Variants in KLHL4 observed in about 807,000 individuals in gnomAD.
KLHL4 encodes kelch-like protein 4.
In KLHL4, 17 loss-of-function variants were observed where a neutral mutation model predicts 45.8. The ratio of observed to expected loss-of-function variants is 0.37; its 90% CI spans 0.25 to 0.56. The LOEUF is 0.56. Among genes scored for constraint, KLHL4 ranks in the 20% least tolerant of loss-of-function variants. The probability of loss-of-function intolerance (pLI) is 0.79; values close to 1 mark genes in which losing one functional copy is unlikely to be tolerated. For synonymous variants in KLHL4, 224 were observed against 189.9 expected (o/e 1.18, Z -1.47); for missense variants, 544 against 544.9 (o/e 1.00, Z 0.02).
At chrX:87,568,036 A>T (rs1932250222) in intron 1 of KLHL4, among the ~76,000 whole-genome samples, 1 of 111,537 alleles carries the variant, frequency 9.0e-6, no homozygotes, top group African/African-American at 3.3e-5. Context: ...TACAACATGG[A>T]TGAATGTTGA....
chrX:87,628,492 T>C (rs1923006691), intron 6 of KLHL4, among the ~76,000 whole-genome samples: 1 of 112,265 alleles, frequency 8.9e-6, no homozygotes, highest in South Asian at 3.6e-4. Flanking sequence ...TTGAAAAATG[T>C]ACTACTTTAC....
rs188191696 is a variant in KLHL4, at chrX:87,668,855, C to A, written c.*2321C>A. The A allele has an allele frequency of 3.5e-6, 2 of 567,614 alleles. No individual in the cohort carries two copies. The highest frequency in any genetic ancestry group is 1.8e-4 in the South Asian group (2 of 10,903). The allele number at this position is 567,614 out of a possible 1,213,427, so 46.8% of individuals were successfully genotyped here. A position where few individuals can be genotyped will look rare whatever the true frequency, so the allele number is the denominator to read the frequency against. ...TCTCAACCTCAGACTTCTCAGCCTG[C>A]CTAACTGTAAGAAATTAATTCTTTT... On this transcript the variant is annotated 3_prime_UTR_variant, in exon 11 of 11. Transcript: ENST00000373119.
chrX:87,561,530 G>A (rs185524770), intron 1 of KLHL4, among the ~76,000 whole-genome samples: 205 of 111,595 alleles, frequency 1.8e-3, no homozygotes, highest in African/African-American at 6.4e-3. Flanking sequence ...CAGCATTGCA[G>A]GCTAAAGTGT....
intron 1 of KLHL4, among the ~76,000 whole-genome samples, chrX:87,556,186 G>T (rs112010177): frequency 2.7e-5 from 3 of 110,733 alleles, no homozygotes; most frequent in African/African-American, 9.8e-5. Context: ...GGTGCCAAAG[G>T]ACTATAAATC....
In KLHL4 at chrX:87,635,602, C is replaced by A. The variant is rs1212659804; in HGVS notation, c.1752C>A (p.Leu584=). 8.3e-7 allele frequency: 1 copy of A among 1,210,945 alleles called. No homozygotes were observed. The highest frequency in any genetic ancestry group is 1.1e-6 in the Non-Finnish European group (1 of 895,000). The change falls in exon 9 of 11, where the codon CTC becomes CTA. Residue 584 remains leucine (L), a synonymous_variant. Coordinates refer to ENST00000373119, the MANE Select transcript of KLHL4 (RefSeq NM_019117.5). ...AIGGRDGSSC[L]KSMEYFDPHT... is the part of the protein sequence containing the mutation. ...GTGGACGTGATGGAAGTTCCTGCCTCAAATCAATGGAATACTTTGACCCAC... is the reference window on the plus strand; with the variant it reads ...GTGGACGTGATGGAAGTTCCTGCCTAAAATCAATGGAATACTTTGACCCAC...
At position 87,667,089 on chromosome X, in the gene KLHL4, T is replaced by TAA. The variant is rs34161899; in HGVS notation, c.*561_*562dup. The TAA allele has an allele frequency of 4.1e-6, 3 of 724,558 alleles. No individual in the cohort carries two copies. The highest frequency in any genetic ancestry group is 2.4e-5 in the African/African-American group (1 of 41,877). 59.7% of individuals were successfully genotyped at this position (724,558 alleles called of 1,213,427 possible). A position where few individuals can be genotyped will look rare whatever the true frequency, so the allele number is the denominator to read the frequency against. ...AGGAAAGCTTTTACTGTGTTGAAGCTAAAAAAATAATGGCTCTTTGACAAA... is the reference window on the plus strand; with the variant it reads ...AGGAAAGCTTTTACTGTGTTGAAGCTAAAAAAAAATAATGGCTCTTTGACAAA... On this transcript the variant is annotated 3_prime_UTR_variant, in exon 11 of 11. Transcript: ENST00000373119.
chrX:87,656,474 G>A (rs1356757914), intron 9 of KLHL4, among the ~76,000 whole-genome samples: 3 of 107,596 alleles, frequency 2.8e-5, no homozygotes, highest in South Asian at 4.1e-4. Flanking sequence ...CTAGTCTATC[G>A]TTGAAGATTT....
intron 4 of KLHL4, among the ~76,000 whole-genome samples, chrX:87,620,810 C>G: frequency 8.9e-6 from 1 of 112,178 alleles, no homozygotes; most frequent in East Asian, 2.8e-4. Flanking sequence ...ACTAATTCCA[C>G]TTTCTCACAA....
chrX:87,662,929 C>CA (rs56333226), intron 9 of KLHL4, among the ~76,000 whole-genome samples: 3,313 of 59,204 alleles, frequency 0.056, 256 homozygotes, highest in African/African-American at 0.19. Context: ...GACTCCGTCT[C>CA]AAAAAAAAAA....
rs187985883 is a variant in KLHL4, at chrX:87,602,656, G to T, written c.423-11221G>T. Among the ~76,000 whole-genome samples, 445 of 111,442 alleles carry T rather than the reference G, an allele frequency of 4.0e-3. 7 individuals carry two copies. The highest frequency in any genetic ancestry group is 0.013 in the African/African-American group (410 of 30,741). On this transcript the variant is annotated intron_variant, in intron 1 of 10. Coordinates refer to ENST00000373119, the MANE Select transcript of KLHL4 (RefSeq NM_019117.5). Reference sequence around the variant, plus strand: ...TGTGTAAATACATTCTATGATGTTTGCACAAGAAAATTGCCTATTGATGCG... The same window carrying T: ...TGTGTAAATACATTCTATGATGTTTTCACAAGAAAATTGCCTATTGATGCG...
rs6617402 is a variant in KLHL4 at position 87,535,650 on chromosome X, C to T, written c.422+17335C>T. On this transcript the variant is annotated intron_variant, in intron 1 of 10. Transcript: ENST00000373119. Reference sequence around the variant, plus strand: ...CAGGGTCTCTGGTTGGGGATTCATCCGGTCTTTCAGCTTCTGTTCATTAGT... The same window carrying T: ...CAGGGTCTCTGGTTGGGGATTCATCTGGTCTTTCAGCTTCTGTTCATTAGT... Among the ~76,000 whole-genome samples, 325 of 110,618 alleles carry T rather than the reference C, an allele frequency of 2.9e-3. 14 individuals carry two copies. In the East Asian group the frequency reaches 0.081, roughly 27 times the overall value.
In KLHL4 at chrX:87,517,849, G is replaced by C; in HGVS notation, c.-45G>C. ...AAAAACAAGAGATAACAAAGGCTCC[G>C]TTTCCTTTCTGTGAGAGAAGGCTTT... is the stretch of plus-strand genomic sequence containing the variant. On this transcript the variant is annotated 5_prime_UTR_variant, in exon 1 of 11. Transcript: ENST00000373119. The C allele has an allele frequency of 7.0e-6, 8 of 1,146,471 alleles. No individual in the cohort carries two copies. Among genetic ancestry groups the C allele is most frequent in the Non-Finnish European group, 8.2e-6 (7 of 858,567 alleles). The allele number at this position is 1,146,471 out of a possible 1,213,427, so 94.5% of individuals were successfully genotyped here.
chrX:87,550,321 C>T (rs1441011056), intron 1 of KLHL4, among the ~76,000 whole-genome samples: 1 of 110,837 alleles, frequency 9.0e-6, no homozygotes, highest in Non-Finnish European at 1.9e-5. Context: ...ATTAGATACT[C>T]TGAACTGACC....
intron 6 of KLHL4, among the ~76,000 whole-genome samples, chrX:87,629,501 G>T (rs2147822401): frequency 9.0e-6 from 1 of 110,722 alleles, no homozygotes; most frequent in East Asian, 2.8e-4. Flanking sequence ...GCCTTGAAAA[G>T]TTTAACCTGG....
At position 87,661,747 on chromosome X, in the gene KLHL4, A is replaced by T. The variant is rs767487980; in HGVS notation, c.1926-3017A>T. On this transcript the variant is annotated intron_variant, in intron 9 of 10. Transcript: ENST00000373119. ...TTTTTAAAATTCTCATACTCTTAAAATTTTTTTAAAAAGAGAAAAACGAGA... is the reference window on the plus strand; with the variant it reads ...TTTTTAAAATTCTCATACTCTTAAATTTTTTTTAAAAAGAGAAAAACGAGA... 2.7e-3 allele frequency among the ~76,000 whole-genome samples: 300 copies of T among 112,005 alleles called. 1 individual carries two copies. The highest frequency in any genetic ancestry group is 9.3e-3 in the African/African-American group (286 of 30,914).
chrX:87,590,055 A>G (rs1310977929), intron 1 of KLHL4, among the ~76,000 whole-genome samples: 1 of 106,630 alleles, frequency 9.4e-6, no homozygotes, highest in African/African-American at 3.4e-5. Context: ...AAAAAAAAAA[A>G]GACCTACTAT....
At chrX:87,578,943 C>T (rs1921183652) in intron 1 of KLHL4, among the ~76,000 whole-genome samples, 1 of 111,955 alleles carries the variant, frequency 8.9e-6, no homozygotes, top group African/African-American at 3.3e-5. Context: ...TGAAGTGTGC[C>T]TCTAACATCC....
At chrX:87,566,056 G>A (rs753198749) in intron 1 of KLHL4, among the ~76,000 whole-genome samples, 113 of 105,387 alleles carry the variant, frequency 1.1e-3, no homozygotes, top group Non-Finnish European at 1.8e-3. Flanking sequence ...AAACCTGCAC[G>A]TTCTGCACAT....
intron 1 of KLHL4, among the ~76,000 whole-genome samples, chrX:87,599,605 C>T (rs934053663): frequency 2.2e-4 from 24 of 109,030 alleles, no homozygotes; most frequent in African/African-American, 7.7e-4. Flanking sequence ...TTACTTTATC[C>T]TATAAATGGT....
Sources: gnomAD v4.1 joint callset for allele counts (sites outside exome capture counted in the v4.1 genomes callset) on GRCh38, gnomAD v4.1.1 for gene constraint, MANE v1.5 for transcripts, NCBI Gene and HGNC (gene_info 2026-07-23, HGNC 2026-07-21) for gene names.